EREG: variants seen among roughly 807,000 people sequenced by gnomAD.
The protein encoded by EREG is proepiregulin.
EREG carries 23 observed loss-of-function variants against 22.4 expected under a neutral mutation model. The observed-to-expected ratio is 1.03, with a 90% confidence interval of 0.74 to 1.46. The LOEUF is 1.46. EREG is among the 40% of genes most tolerant of loss of function. The pLI is 0.00. For missense variants in EREG, 226 were observed against 205.9 expected (o/e 1.10, Z -0.60); for synonymous variants, 100 against 75.4 (o/e 1.33, Z -1.69).
At chr4:74,378,614 A>G (rs1560598816) in intron 1 of EREG, among the ~76,000 whole-genome samples, 1 of 152,200 alleles carries the variant, frequency 6.6e-6, no homozygotes, top group East Asian at 1.9e-4. Context: ...CAGTTACTTA[A>G]ATAAATTGGA....
At chr4:74,384,109 T>C (rs7687621) in intron 4 of EREG, among the ~76,000 whole-genome samples, 123,832 of 152,118 alleles carry the variant, frequency 0.81, 50,564 homozygotes, top group African/African-American at 0.85. Flanking sequence ...TTCTAAATTA[T>C]GATAAATCTA....
At chr4:74,365,797 G>A (rs894415344) in intron 1 of EREG, among the ~76,000 whole-genome samples, 1 of 151,866 alleles carries the variant, frequency 6.6e-6, no homozygotes, top group South Asian at 2.1e-4. Context: ...TTTTTTGGAG[G>A]GGGGAAAAAG....
chr4:74,388,052 A>G lies in EREG; in HGVS notation c.*3244A>G, dbSNP rs946892435. 3 of 152,222 alleles carry G rather than the reference A, an allele frequency of 2.0e-5. No individual in the cohort carries two copies. Among genetic ancestry groups the G allele is most frequent in the Non-Finnish European group, 4.4e-5 (3 of 68,042 alleles). The allele number at this position is 152,222 out of a possible 1,614,324, so 9.4% of individuals were successfully genotyped here. A position where few individuals can be genotyped will look rare whatever the true frequency, so the allele number is the denominator to read the frequency against. ...GGTATACTGGTATGACTACGTCTTA[A>G]GTCAGATTTTTATTTATGAGTCTTT... On this transcript the variant is annotated 3_prime_UTR_variant, in exon 5 of 5. Coordinates refer to ENST00000244869, the MANE Select transcript of EREG (RefSeq NM_001432.3).
At chr4:74,371,091 A>C in intron 1 of EREG, among the ~76,000 whole-genome samples, 1 of 152,148 alleles carries the variant, frequency 6.6e-6, no homozygotes, top group East Asian at 1.9e-4. Context: ...ACATTACCAT[A>C]TGGTAGCAAT....
At chr4:74,370,750 CA>C (rs1752276237) in intron 1 of EREG, among the ~76,000 whole-genome samples, 1 of 152,118 alleles carries the variant, frequency 6.6e-6, no homozygotes, top group African/African-American at 2.4e-5. Flanking sequence ...GAAAGAGAAG[CA>C]TTGTTTTAGA....
rs530615504 is a variant in EREG, at chr4:74,376,105, T to C, written c.68-3343T>C. Among the ~76,000 whole-genome samples the C allele has an allele frequency of 6.6e-5, 10 of 152,258 alleles. No homozygotes were observed. In the South Asian group the frequency reaches 8.3e-4, roughly 13 times the overall value. ...TGTGGCCTGAACAACTGGAACAAAG[T>C]TTCCAACGGTGGAAAAACTAACAAC... On this transcript the variant is annotated intron_variant, in intron 1 of 4. Coordinates refer to ENST00000244869, the MANE Select transcript of EREG (RefSeq NM_001432.3).
chr4:74,369,705 T>C (rs1383639381), intron 1 of EREG, among the ~76,000 whole-genome samples: 2 of 152,156 alleles, frequency 1.3e-5, no homozygotes, highest in Non-Finnish European at 2.9e-5. Context: ...GTAAGTTTTA[T>C]AGTCTTGAAC....
rs77385119 is a variant in EREG, at chr4:74,371,774, C to G, written c.67+6399C>G. On this transcript the variant is annotated intron_variant, in intron 1 of 4. Coordinates refer to ENST00000244869, the MANE Select transcript of EREG (RefSeq NM_001432.3). Reference sequence around the variant, plus strand: ...AACATTAAACTCAAATATGTTCACTCCCTTCATGCCTTCATGCCCAAATGC... The same window carrying G: ...AACATTAAACTCAAATATGTTCACTGCCTTCATGCCTTCATGCCCAAATGC... Among the ~76,000 whole-genome samples, 1,250 of 152,124 alleles carry G rather than the reference C, an allele frequency of 8.2e-3. 24 individuals carry two copies. The highest frequency in any genetic ancestry group is 0.028 in the African/African-American group (1,170 of 41,506).
intron 4 of EREG, among the ~76,000 whole-genome samples, chr4:74,383,335 T>C (rs891710262): frequency 2.0e-5 from 3 of 152,170 alleles, no homozygotes; most frequent in African/African-American, 7.2e-5. Context: ...TTTTATTTTA[T>C]AAAAAACAAC....
rs528105207 is a variant in EREG at position 74,380,426 on chromosome 4, T to A, written c.155-588T>A. ...CCTATTTTCATTGCTGTTATTTGTC[T>A]ACCAGAGGCCTTTCTCACTCAGGGT... On this transcript the variant is annotated intron_variant, in intron 2 of 4. Transcript: ENST00000244869. 4.6e-5 allele frequency among the ~76,000 whole-genome samples: 7 copies of A among 152,324 alleles called. No individual in the cohort carries two copies. In the South Asian group the frequency reaches 1.4e-3, roughly 32 times the overall value.
chr4:74,371,548 C>T lies in EREG; in HGVS notation c.67+6173C>T, dbSNP rs78764690. On this transcript the variant is annotated intron_variant, in intron 1 of 4. Coordinates refer to ENST00000244869, the MANE Select transcript of EREG (RefSeq NM_001432.3). The stretch of plus-strand genomic sequence containing the variant: ...TTTCTTTGCCACTTCTGTCTGCTCT[C>T]TACCACCTGTTTCTCAAAGTTCTGT... 6.7e-3 allele frequency among the ~76,000 whole-genome samples: 1,026 copies of T among 152,292 alleles called. 16 individuals carry two copies. Among genetic ancestry groups the T allele is most frequent in the African/African-American group, 0.023 (955 of 41,564 alleles).
At chr4:74,382,887 A>T in intron 4 of EREG, 93 bp downstream of exon 4, 1 of 921,732 alleles carries the variant, frequency 1.1e-6, no homozygotes, top group Non-Finnish European at 1.7e-6. Context: ...AAAGTATTAG[A>T]GAGATAAGAT....
chr4:74,380,189 A>T (rs571816886), intron 2 of EREG, among the ~76,000 whole-genome samples: 3 of 151,630 alleles, frequency 2.0e-5, no homozygotes, highest in Non-Finnish European at 4.4e-5. Context: ...TAACAACTTT[A>T]TCTTTTGTCC....
rs1342433542 is a variant in EREG at position 74,387,588 on chromosome 4, A to G, written c.*2780A>G. 2 of 152,256 alleles carry G rather than the reference A, an allele frequency of 1.3e-5. No individual in the cohort carries two copies. The highest frequency in any genetic ancestry group is 4.8e-5 in the African/African-American group (2 of 41,472). 9.4% of individuals were successfully genotyped at this position (152,256 alleles called of 1,614,324 possible). On this transcript the variant is annotated 3_prime_UTR_variant, in exon 5 of 5. Transcript: ENST00000244869. The stretch of plus-strand genomic sequence containing the variant: ...TTTTATGGGTGAAAATAAGACAAAA[A>G]TAATAGTTTTAGTGAGGATGGTGCT...
At position 74,365,366 on chromosome 4, in the gene EREG, C is replaced by T. The variant is rs557086466; in HGVS notation, c.58C>T (p.Leu20Phe). The change falls in exon 1 of 5, where the codon CTC becomes TTC. Residue 20 changes from leucine (L) to phenylalanine (F), a missense_variant. Coordinates refer to ENST00000244869, the MANE Select transcript of EREG (RefSeq NM_001432.3). ...LCAGRVPALL[L>F]CLGFHLLQAV... Reference sequence around the variant, plus strand: ...TGCCGGCAGGGTCCCTGCGCTGCTGCTCTGCCTGGGTAAGTTCTCCCCCTC... The same window carrying T: ...TGCCGGCAGGGTCCCTGCGCTGCTGTTCTGCCTGGGTAAGTTCTCCCCCTC... 11 of 1,611,630 alleles carry T rather than the reference C, an allele frequency of 6.8e-6. No homozygotes were observed. Among genetic ancestry groups the T allele is most frequent in the South Asian group, 6.6e-5 (6 of 91,078 alleles).
At chr4:74,381,226 T>C in intron 3 of EREG, 89 bp downstream of exon 3, 1 of 1,132,620 alleles carries the variant, frequency 8.8e-7, no homozygotes, top group Non-Finnish European at 1.3e-6. Flanking sequence ...GTGGATATAT[T>C]CAGTAGTGGT....
At chr4:74,371,089 A>G (rs1178132594) in intron 1 of EREG, among the ~76,000 whole-genome samples, 1 of 152,132 alleles carries the variant, frequency 6.6e-6, no homozygotes, top group Non-Finnish European at 1.5e-5. Context: ...AGACATTACC[A>G]TATGGTAGCA....
intron 1 of EREG, among the ~76,000 whole-genome samples, chr4:74,374,523 T>C (rs1025989059): frequency 6.6e-6 from 1 of 152,124 alleles, no homozygotes; most frequent in Non-Finnish European, 1.5e-5. Context: ...GGCAAATGAG[T>C]AAGAGCCTCG....
At chr4:74,374,920 C>T (rs958444734) in intron 1 of EREG, among the ~76,000 whole-genome samples, 2 of 152,108 alleles carry the variant, frequency 1.3e-5, no homozygotes, top group South Asian at 2.1e-4. Flanking sequence ...AAACAATGAC[C>T]TCTGAATGCA....
Sources: gnomAD v4.1 joint callset for allele counts (sites outside exome capture counted in the v4.1 genomes callset) on GRCh38, gnomAD v4.1.1 for gene constraint, MANE v1.5 for transcripts, NCBI Gene and HGNC (gene_info 2026-07-23, HGNC 2026-07-21) for gene names.